Variants in QSER1 observed in about 807,000 individuals in gnomAD.
The protein encoded by QSER1 is glutamine and serine rich 1.
In QSER1, 49 loss-of-function variants were observed where a neutral mutation model predicts 158.5. The ratio of observed to expected loss-of-function variants is 0.31; its 90% CI spans 0.25 to 0.39. QSER1 has a LOEUF of 0.39. Among genes scored for constraint, QSER1 ranks in the 10% least tolerant of loss-of-function variants. QSER1 has a pLI of 1.00. For missense variants in QSER1, 1,754 were observed against 2,010.3 expected, an observed-to-expected ratio of 0.87 and a Z score of 2.44; for synonymous variants, 650 against 715.5, an observed-to-expected ratio of 0.91 and a Z score of 1.46.
At position 32,977,864 on chromosome 11, in the gene QSER1, C is replaced by T. The variant is rs1357593327; in HGVS notation, c.*1390C>T. 6.6e-6 allele frequency: 1 copy of T among 152,542 alleles called. No individual in the cohort carries two copies. The highest frequency in any genetic ancestry group is 1.5e-5 in the Non-Finnish European group (1 of 68,014). 9.4% of individuals were successfully genotyped at this position (152,542 alleles called of 1,614,324 possible). A position where few individuals can be genotyped will look rare whatever the true frequency, so the allele number is the denominator to read the frequency against. On this transcript the variant is annotated 3_prime_UTR_variant, in exon 13 of 13. Transcript: ENST00000650167. ...TTGTTTATTTTACCACCATTTAGTG[C>T]CTTAAATCCTATCAAGAAAGCAGTG...
At chr11:32,973,590 A>G in intron 11 of QSER1, 41 bp downstream of exon 11, 3 of 1,517,886 alleles carry the variant, frequency 2.0e-6, no homozygotes, top group Non-Finnish European at 2.7e-6. Flanking sequence ...ACCTTTTCCA[A>G]TTGTTAATAC....
chr11:32,962,374 T>G (rs1852640368), intron 8 of QSER1, among the ~76,000 whole-genome samples: 1 of 152,200 alleles, frequency 6.6e-6, no homozygotes, highest in African/African-American at 2.4e-5. Flanking sequence ...GTCTTTTTGT[T>G]GTTAAGTTGT....
intron 1 of QSER1, among the ~76,000 whole-genome samples, chr11:32,925,494 T>A (rs573468894): frequency 4.0e-4 from 58 of 143,646 alleles, no homozygotes; most frequent in South Asian, 6.9e-4. Flanking sequence ...TACATCGCTT[T>A]TTTATTTATT....
chr11:32,903,950 C>G (rs920785143), intron 1 of QSER1, among the ~76,000 whole-genome samples: 3 of 152,104 alleles, frequency 2.0e-5, no homozygotes, highest in Admixed American at 2.0e-4. Context: ...AATGAGACTA[C>G]AAGTTTTGTA....
chr11:32,940,965 A>T (rs1446395277), intron 4 of QSER1, among the ~76,000 whole-genome samples: 2 of 151,310 alleles, frequency 1.3e-5, no homozygotes, highest in Non-Finnish European at 2.9e-5. Context: ...GTATAATTTG[A>T]TCATCTCTTT....
intron 1 of QSER1, among the ~76,000 whole-genome samples, chr11:32,915,426 T>TA (rs1195957187): frequency 2.6e-5 from 4 of 152,268 alleles, no homozygotes; most frequent in Non-Finnish European, 5.9e-5. Flanking sequence ...GCTGAGGTAA[T>TA]ACTTGGAGTT....
chr11:32,931,612 C>G, intron 3 of QSER1, 131 bp from the exon 4 acceptor site: 2 of 632,190 alleles, frequency 3.2e-6, no homozygotes, highest in East Asian at 2.9e-5. Flanking sequence ...AATTTACATG[C>G]AGAACTAACT....
chr11:32,948,469 C>CA (rs541115479), intron 4 of QSER1, among the ~76,000 whole-genome samples: 244 of 151,938 alleles, frequency 1.6e-3, no homozygotes, highest in African/African-American at 5.6e-3. Context: ...CTACAAAAAA[C>CA]AAAAAAACAG....
intron 1 of QSER1, among the ~76,000 whole-genome samples, chr11:32,923,639 C>T (rs1436058954): frequency 2.7e-5 from 4 of 149,148 alleles, no homozygotes; most frequent in African/African-American, 9.9e-5. Context: ...GATCACACCA[C>T]TACACTCCAG....
intron 11 of QSER1, among the ~76,000 whole-genome samples, chr11:32,974,425 C>CAAAA (rs34050306): frequency 1.1e-5 from 1 of 91,822 alleles, no homozygotes; most frequent in Non-Finnish European, 2.4e-5. Context: ...GACACTGTCT[C>CAAAA]AAAAAAAAAA....
At chr11:32,947,013 T>G (rs1229741524) in intron 4 of QSER1, among the ~76,000 whole-genome samples, 2 of 152,264 alleles carry the variant, frequency 1.3e-5, no homozygotes, top group African/African-American at 4.8e-5. Flanking sequence ...CCGTCACCCC[T>G]TTCTTTGATT....
At chr11:32,949,416 G>A (rs550595235) in intron 4 of QSER1, among the ~76,000 whole-genome samples, 1 of 152,022 alleles carries the variant, frequency 6.6e-6, no homozygotes, top group African/African-American at 2.4e-5. Context: ...TAAAAGTGAA[G>A]GACAAATAAA....
At chr11:32,911,475 A>G (rs1348800143) in intron 1 of QSER1, among the ~76,000 whole-genome samples, 2 of 152,242 alleles carry the variant, frequency 1.3e-5, no homozygotes, top group East Asian at 1.9e-4. Context: ...TAAATAAGAT[A>G]GAGTTGATCC....
chr11:32,909,036 T>C (rs1172606352), intron 1 of QSER1, among the ~76,000 whole-genome samples: 1 of 152,118 alleles, frequency 6.6e-6, no homozygotes, highest in Non-Finnish European at 1.5e-5. Context: ...GGTACACGCC[T>C]ATGGTCCCAA....
chr11:32,957,948 T>TC lies in QSER1; in HGVS notation c.4833dup (p.Val1612ArgfsTer6). Reference sequence around the variant, plus strand: ...AAAAACTACAACTACAAAAGCCCCTTCCGTGAAACCCAAAGTTAAACAGCC... The same window carrying TC: ...AAAAACTACAACTACAAAAGCCCCTTCCCGTGAAACCCAAAGTTAAACAGCC... On this transcript the variant is annotated frameshift_variant, in exon 8 of 13. Coordinates refer to ENST00000650167, the MANE Select transcript of QSER1 (RefSeq NM_001076786.3). LOFTEE classifies it high-confidence loss of function. The TC allele has an allele frequency of 6.2e-7, 1 of 1,614,068 alleles. No homozygotes were observed. Among genetic ancestry groups the TC allele is most frequent in the Non-Finnish European group, 8.5e-7 (1 of 1,180,012 alleles).
At chr11:32,958,109 A>G in intron 8 of QSER1, 23 bp downstream of exon 8, 4 of 1,570,236 alleles carry the variant, frequency 2.5e-6, no homozygotes, top group Non-Finnish European at 3.5e-6. Flanking sequence ...TGAAATGGCT[A>G]CCCTGATAAC....
At position 32,935,301 on chromosome 11, in the gene QSER1, A is replaced by C; in HGVS notation, c.4043A>C (p.Glu1348Ala). 1 of 1,614,034 alleles carries C rather than the reference A, an allele frequency of 6.2e-7. No homozygotes were observed. The highest frequency in any genetic ancestry group is 8.5e-7 in the Non-Finnish European group (1 of 1,179,934). The change falls in exon 4 of 13, where the codon GAA becomes GCA. Residue 1348 changes from glutamate (E) to alanine (A), a missense_variant. By Grantham distance (107) the Glu-to-Ala change is moderately radical. Transcript: ENST00000650167. ...AGTCCATCAGATAAAGTTGATAATG[A>C]ACTTAAAAACTTGGAACATTTATCT... ...GNSPSDKVDN[E>A]LKNLEHLSSF... is the part of the protein sequence containing the mutation.
chr11:32,973,491 G>C lies in QSER1; in HGVS notation c.5300G>C (p.Gly1767Ala). ...GCTATTTCTAAAATCAAAATGAATGGCAAAGCCTATAATAAGAAAACTCTA... is the reference window on the plus strand; with the variant it reads ...GCTATTTCTAAAATCAAAATGAATGCCAAAGCCTATAATAAGAAAACTCTA... ...GTAISKIKMN[G>A]KAYNKKTLRT... Residue 1767 changes from glycine to alanine, a missense_variant, in exon 11 of 13, where the codon GGC becomes GCC. By Grantham distance (60) the Gly-to-Ala change is moderately conservative (BLOSUM62 0). Transcript: ENST00000650167. 1 of 1,613,524 alleles carries C rather than the reference G, an allele frequency of 6.2e-7. No homozygotes were observed. Among genetic ancestry groups the C allele is most frequent in the Non-Finnish European group, 8.5e-7 (1 of 1,179,646 alleles).
intron 1 of QSER1, among the ~76,000 whole-genome samples, chr11:32,920,745 G>A (rs1851889736): frequency 6.6e-6 from 1 of 152,200 alleles, no homozygotes; most frequent in Non-Finnish European, 1.5e-5. Flanking sequence ...TGGTCAGTAA[G>A]CACATGCAGA....
Sources: gnomAD v4.1 joint callset for allele counts (sites outside exome capture counted in the v4.1 genomes callset) on GRCh38, gnomAD v4.1.1 for gene constraint, MANE v1.5 for transcripts, NCBI Gene and HGNC (gene_info 2026-07-23, HGNC 2026-07-21) for gene names.